The following MYO10 variants were observed in gnomAD, a reference collection of about 807,000 sequenced individuals.
MYO10 encodes myosin X.
MYO10 carries 133 observed loss-of-function variants against 257.3 expected under a neutral mutation model. The observed-to-expected ratio is 0.52, with a 90% CI of 0.45 to 0.60. The LOEUF (loss-of-function observed/expected upper bound fraction) is 0.60. Among genes scored for constraint, MYO10 ranks in the 20% least tolerant of loss-of-function variants. The pLI is 0.00. For missense variants in MYO10, 2,399 were observed against 2,635.7 expected, an observed-to-expected ratio of 0.91 and a Z score of 1.97; for synonymous variants, 1,104 against 1,028.6, an observed-to-expected ratio of 1.07 and a Z score of -1.40.
At chr5:16,813,099 G>A (rs564823692) in intron 3 of MYO10, among the ~76,000 whole-genome samples, 5 of 152,250 alleles carry the variant, frequency 3.3e-5, no homozygotes, top group South Asian at 2.1e-4. Context: ...TCTACCTGGC[G>A]ATGAGCCACT....
At chr5:16,683,535 C>T (rs1561178877) in intron 30 of MYO10, among the ~76,000 whole-genome samples, 1 of 152,196 alleles carries the variant, frequency 6.6e-6, no homozygotes, top group Non-Finnish European at 1.5e-5. Flanking sequence ...TGACTCCCTT[C>T]CCCTTTGCTG....
intron 2 of MYO10, among the ~76,000 whole-genome samples, chr5:16,835,956 G>GT (rs1209457474): frequency 6.6e-6 from 1 of 152,104 alleles, no homozygotes; most frequent in Non-Finnish European, 1.5e-5. Context: ...CTGTGTCTTT[G>GT]TAAGTGTCTA....
Position 16,672,845 on chromosome 5 carries a change from G to A in MYO10, c.5173-20C>T, listed in dbSNP as rs535142414. ...CACCACCTGGAAGACACACCAGGGG[G>A]ACTTCAGTTCCACAGGCTGCGGCCC... On this transcript the variant is annotated intron_variant, in intron 36 of 40. Coordinates refer to ENST00000513610, the MANE Select transcript of MYO10 (RefSeq NM_012334.3). The A allele has an allele frequency of 6.2e-7, 1 of 1,610,028 alleles. No individual in the cohort carries two copies. Among genetic ancestry groups the A allele is most frequent in the East Asian group, 2.2e-5 (1 of 44,748 alleles).
At chr5:16,840,178 T>A (rs1743433739) in intron 2 of MYO10, among the ~76,000 whole-genome samples, 1 of 152,054 alleles carries the variant, frequency 6.6e-6, no homozygotes, top group Admixed American at 6.6e-5. Flanking sequence ...TTTCGGAGGC[T>A]TAGGTGGGTG....
At chr5:16,707,578 G>T (rs968076319) in intron 21 of MYO10, among the ~76,000 whole-genome samples, 1 of 152,174 alleles carries the variant, frequency 6.6e-6, no homozygotes, top group Non-Finnish European at 1.5e-5. Flanking sequence ...CATTGCCACA[G>T]AACTGAGGAA....
intron 1 of MYO10, among the ~76,000 whole-genome samples, chr5:16,899,361 G>A (rs917985086): frequency 1.3e-5 from 2 of 151,868 alleles, no homozygotes; most frequent in African/African-American, 4.8e-5. Context: ...GTGGCTGGGC[G>A]CGATGACTCA....
chr5:16,850,951 T>C (rs138413274), intron 2 of MYO10, among the ~76,000 whole-genome samples: 6,477 of 151,972 alleles, frequency 0.043, 273 homozygotes, highest in African/African-American at 0.094. Flanking sequence ...TGCACCACCA[T>C]GCCCAGCTCA....
chr5:16,748,009 A>T (rs1740258749), intron 19 of MYO10, among the ~76,000 whole-genome samples: 1 of 150,430 alleles, frequency 6.6e-6, no homozygotes, highest in South Asian at 2.2e-4. Context: ...ATAACATGGG[A>T]CCCAAAATTC....
At chr5:16,748,605 A>AGAGGGAGGGAGAGAGGGAGAGAGG (rs143045493) in intron 19 of MYO10, among the ~76,000 whole-genome samples, 3 of 125,264 alleles carry the variant, frequency 2.4e-5, no homozygotes, top group African/African-American at 1.0e-4. Context: ...GAAAAGAAAA[A>AGAGGGAGGGAGAGAGGGAGAGAGG]GAGGGAGAGA....
At chr5:16,672,647 C>T (rs2126468823) in intron 37 of MYO10, 42 bp downstream of exon 37, 1 of 1,610,818 alleles carries the variant, frequency 6.2e-7, no homozygotes. Flanking sequence ...TCTGCAATTT[C>T]TCTTATTTGC....
At chr5:16,845,339 G>A (rs1268619532) in intron 2 of MYO10, among the ~76,000 whole-genome samples, 1 of 152,026 alleles carries the variant, frequency 6.6e-6, no homozygotes, top group African/African-American at 2.4e-5. Context: ...GCTGTCCCAC[G>A]ATTATGTCCT....
chr5:16,786,145 C>A (rs80134505), intron 4 of MYO10, among the ~76,000 whole-genome samples: 4,713 of 152,120 alleles, frequency 0.031, 237 homozygotes, highest in African/African-American at 0.11. Context: ...AAGAAATAGA[C>A]CATCCCTGTG....
intron 40 of MYO10, among the ~76,000 whole-genome samples, chr5:16,667,117 G>C (rs1396643292): frequency 6.6e-6 from 1 of 152,190 alleles, no homozygotes; most frequent in African/African-American, 2.4e-5. Flanking sequence ...ACAGTGCTGG[G>C]ATTACTATCC....
intron 2 of MYO10, among the ~76,000 whole-genome samples, chr5:16,846,391 C>A (rs1309367560): frequency 6.6e-6 from 1 of 152,166 alleles, no homozygotes; most frequent in African/African-American, 2.4e-5. Flanking sequence ...ACCTGCCAAG[C>A]CTGTTTTCTT....
chr5:16,721,854 T>G (rs114062115), intron 19 of MYO10, among the ~76,000 whole-genome samples: 1 of 152,178 alleles, frequency 6.6e-6, no homozygotes, highest in Non-Finnish European at 1.5e-5. Flanking sequence ...AAGGGATAGC[T>G]CTGGTTGTAT....
In MYO10 at chr5:16,701,688, T is replaced by C. The variant is rs367547495; in HGVS notation, c.2707A>G (p.Met903Val). Residue 903 changes from methionine (M) to valine (V), a missense_variant, in exon 25 of 41, where the codon ATG becomes GTG. Coordinates refer to ENST00000513610, the MANE Select transcript of MYO10 (RefSeq NM_012334.3). This position sits in a 1 kb window ranked among gnomAD's most constrained non-coding sequence, Gnocchi z 8.1. ...AGCGACAGCTCCTGCTGCTCCTTCA[T>C]GCGCTGCAGGTCCTCGATTTCTTTC... Reference protein sequence around the residue: ...LEKEIEDLQRMKEQQELSLTE... With the variant: ...LEKEIEDLQRVKEQQELSLTE... 7.1e-5 allele frequency: 114 copies of C among 1,614,002 alleles called. No homozygotes were observed. The East Asian group carries it at 2.1e-3, about 30-fold the overall frequency.
At chr5:16,694,051 A>G (rs1461035201) in intron 27 of MYO10, among the ~76,000 whole-genome samples, 6 of 152,212 alleles carry the variant, frequency 3.9e-5, no homozygotes, top group Non-Finnish European at 8.8e-5. Context: ...AACCCATAAA[A>G]AGACTCAGCC....
intron 5 of MYO10, among the ~76,000 whole-genome samples, chr5:16,782,778 G>A (rs1481113045): frequency 2.6e-5 from 4 of 152,056 alleles, no homozygotes; most frequent in African/African-American, 2.4e-5. Context: ...ACAACAACTC[G>A]GGTGACACCT....
chr5:16,925,886 G>C (rs1247014217), intron 1 of MYO10, among the ~76,000 whole-genome samples: 1 of 152,146 alleles, frequency 6.6e-6, no homozygotes, highest in Non-Finnish European at 1.5e-5. Context: ...TGGAATATTT[G>C]CAAGACACCA....
Sources: gnomAD v4.1 joint callset for allele counts (sites outside exome capture counted in the v4.1 genomes callset) on GRCh38, gnomAD v4.1.1 for gene constraint, Gnocchi (gnomAD v3.1) non-coding constraint, MANE v1.5 for transcripts, NCBI Gene and HGNC (gene_info 2026-07-23, HGNC 2026-07-21) for gene names.